Variants in SLC13A5 observed in about 807,000 individuals in gnomAD.
SLC13A5 encodes Na(+)/citrate cotransporter.
A neutral mutation model predicts 56.5 loss-of-function variants in SLC13A5; 25 were observed. The ratio of observed to expected loss-of-function variants is 0.44; its 90% confidence interval spans 0.32 to 0.62. SLC13A5 has a LOEUF of 0.62. Ranked by LOEUF, SLC13A5 falls within the 20% of genes least tolerant of loss-of-function variation. The pLI, the probability that SLC13A5 is intolerant of heterozygous loss-of-function variation, is 0.04. For missense variants in SLC13A5, 649 were observed against 737.8 expected (o/e 0.88, Z 1.39); for synonymous variants, 307 against 301.5 (o/e 1.02, Z -0.19).
Position 6,685,800 on chromosome 17 carries a change from G to T in SLC13A5, c.*407C>A. 1 of 179,774 alleles carries T rather than the reference G, an allele frequency of 5.6e-6. No homozygotes were observed. The highest frequency in any genetic ancestry group is 1.2e-5 in the Non-Finnish European group (1 of 83,770). 11.1% of individuals were successfully genotyped at this position (179,774 alleles called of 1,614,324 possible). A position where few individuals can be genotyped will look rare whatever the true frequency, so the allele number is the denominator to read the frequency against. On this transcript the variant is annotated 3_prime_UTR_variant, in exon 12 of 12. Coordinates refer to ENST00000433363, the MANE Select transcript of SLC13A5 (RefSeq NM_177550.5). The surrounding 1 kb of genome is among the most constrained non-coding windows in gnomAD (Gnocchi z 4.2). ...TGGGCACTGGTAGGTGGTTGTCTTA[G>T]CTCTCAACCAGGGGATCCGATTCCC...
rs1282737802 is a variant in SLC13A5 at position 6,687,935 on chromosome 17, T to C, written c.1438-269A>G. 4 of 359,488 alleles carry C rather than the reference T, an allele frequency of 1.1e-5. No homozygotes were observed. Among genetic ancestry groups the C allele is most frequent in the South Asian group, 4.4e-5 (1 of 22,498 alleles). The allele number at this position is 359,488 out of a possible 1,614,324, so 22.3% of individuals were successfully genotyped here. ...GGCACCTACTATGTGCCAGAGACCA[T>C]GCTGAGTACTTAGACTGTGCTCAAC... On this transcript the variant is annotated intron_variant, in intron 10 of 11. Transcript: ENST00000433363. This position sits in a 1 kb window ranked among gnomAD's most constrained non-coding sequence, Gnocchi z 5.0.
chr17:6,687,032 G>A lies in SLC13A5; in HGVS notation c.1575+497C>T, dbSNP rs1178535502. On this transcript the variant is annotated intron_variant, in intron 11 of 11. Coordinates refer to ENST00000433363, the MANE Select transcript of SLC13A5 (RefSeq NM_177550.5). The surrounding 1 kb of genome is among the most constrained non-coding windows in gnomAD (Gnocchi z 5.0). ...GCAAAGGTGACAGAGCTAATGAAGAGTTCTTCCTCTGACTACATTTGTTTC... is the reference window on the plus strand; with the variant it reads ...GCAAAGGTGACAGAGCTAATGAAGAATTCTTCCTCTGACTACATTTGTTTC... 1 of 167,362 alleles carries A rather than the reference G, an allele frequency of 6.0e-6. No individual in the cohort carries two copies. The highest frequency in any genetic ancestry group is 1.6e-4 in the South Asian group (1 of 6,326). 10.4% of individuals were successfully genotyped at this position (167,362 alleles called of 1,614,324 possible).
At position 6,685,887 on chromosome 17, in the gene SLC13A5, C is replaced by A. The variant is rs914041322; in HGVS notation, c.*320G>T. The A allele has an allele frequency of 3.0e-6, 1 of 330,884 alleles. No individual in the cohort carries two copies. Among genetic ancestry groups the A allele is most frequent in the Admixed American group, 3.9e-5 (1 of 25,452 alleles). 20.5% of individuals were successfully genotyped at this position (330,884 alleles called of 1,614,324 possible). A position where few individuals can be genotyped will look rare whatever the true frequency, so the allele number is the denominator to read the frequency against. The stretch of plus-strand genomic sequence containing the variant: ...AGCCCTGTGTGGGGGATGCTTGAGG[C>A]AGAGCGGGTACAGCAGCCTGCATCC... On this transcript the variant is annotated 3_prime_UTR_variant, in exon 12 of 12. Transcript: ENST00000433363. This position sits in a 1 kb window ranked among gnomAD's most constrained non-coding sequence, Gnocchi z 4.2.
Position 6,687,595 on chromosome 17 carries a change from C to T in SLC13A5, c.1509G>A (p.Met503Ile). The change falls in exon 11 of 12, where the codon ATG (methionine) becomes ATA (isoleucine). Residue 503 changes from methionine (M) to isoleucine (I), a missense_variant. By Grantham distance (10) the Met-to-Ile change is conservative. Transcript: ENST00000433363. The surrounding 1 kb of genome is among the most constrained non-coding windows in gnomAD (Gnocchi z 5.0). Reference sequence around the variant, plus strand: ...CATTTGGAGGGGTGGCCACAGGCAACATGAAGGCAAAGGAGGCACTCAGGG... The same window carrying T: ...CATTTGGAGGGGTGGCCACAGGCAATATGAAGGCAAAGGAGGCACTCAGGG... ...PCTLSASFAF[M>I]LPVATPPNAI... is the part of the protein sequence containing the mutation. 6.2e-7 allele frequency: 1 copy of T among 1,613,880 alleles called. No individual in the cohort carries two copies. The highest frequency in any genetic ancestry group is 8.5e-7 in the Non-Finnish European group (1 of 1,179,922).
chr17:6,690,032 G>A (rs567397045), intron 10 of SLC13A5: 6 of 113,124 alleles, frequency 5.3e-5, no homozygotes, highest in East Asian at 3.1e-4. Context: ...AAGCTGGTAC[G>A]TCTTTGCAAT....
chr17:6,691,404 C>T (rs907703414), intron 9 of SLC13A5, among the ~76,000 whole-genome samples: 1 of 152,218 alleles, frequency 6.6e-6, no homozygotes, highest in African/African-American at 2.4e-5. Flanking sequence ...CATCCATCTC[C>T]TCCTCTTCAG....
intron 6 of SLC13A5, among the ~76,000 whole-genome samples, chr17:6,698,127 C>T (rs1273923793): frequency 6.6e-6 from 1 of 152,232 alleles, no homozygotes; most frequent in Non-Finnish European, 1.5e-5. Flanking sequence ...CCTTCCAGAT[C>T]TGGAGCCAAA....
chr17:6,689,847 T>G (rs191981329), intron 10 of SLC13A5: 1 of 151,958 alleles, frequency 6.6e-6, no homozygotes, highest in Non-Finnish European at 1.5e-5. Flanking sequence ...TCCAGAATAA[T>G]GACAGCCTCT....
chr17:6,704,838 A>T (rs1396390569), intron 3 of SLC13A5: 1 of 154,400 alleles, frequency 6.5e-6, no homozygotes, highest in Non-Finnish European at 1.4e-5. Flanking sequence ...GGCTGGCCTG[A>T]CCCTTCTCAA....
chr17:6,694,019 G>T, intron 8 of SLC13A5, 78 bp downstream of exon 8: 2 of 909,798 alleles, frequency 2.2e-6, no homozygotes, highest in Non-Finnish European at 3.3e-6. Context: ...TCCCTCTAGG[G>T]CCCAAGGCAT....
At chr17:6,709,985 T>C (rs534507038) in intron 1 of SLC13A5, among the ~76,000 whole-genome samples, 4 of 152,322 alleles carry the variant, frequency 2.6e-5, no homozygotes, top group African/African-American at 9.6e-5. Context: ...TTGCCAAAGT[T>C]CCCCTGTTGT....
In SLC13A5 at chr17:6,687,163, C is replaced by T. The variant is rs1160673031; in HGVS notation, c.1575+366G>A. ...TGTGACTGTCATTAGCATCCCCCTG[C>T]TGCCTAAGCCTGCCCTGCCTATCTT... is the stretch of plus-strand genomic sequence containing the variant. On this transcript the variant is annotated intron_variant, in intron 11 of 11. Coordinates refer to ENST00000433363, the MANE Select transcript of SLC13A5 (RefSeq NM_177550.5). The surrounding 1 kb of genome is among the most constrained non-coding windows in gnomAD (Gnocchi z 5.0). 4.1e-6 allele frequency: 1 copy of T among 243,310 alleles called. No homozygotes were observed. The highest frequency in any genetic ancestry group is 4.8e-5 in the South Asian group (1 of 20,958). The allele number at this position is 243,310 out of a possible 1,614,324, so 15.1% of individuals were successfully genotyped here.
chr17:6,710,628 A>AC (rs1003382574), intron 1 of SLC13A5, among the ~76,000 whole-genome samples: 3 of 151,500 alleles, frequency 2.0e-5, no homozygotes, highest in African/African-American at 7.3e-5. Flanking sequence ...AACAGGCTTG[A>AC]CCCCCCTAGT....
intron 1 of SLC13A5, among the ~76,000 whole-genome samples, chr17:6,710,983 C>A (rs1974006852): frequency 6.6e-6 from 1 of 151,610 alleles, no homozygotes; most frequent in African/African-American, 2.4e-5. Context: ...TAAAAAAAGA[C>A]CCAGAGGAAG....
At chr17:6,698,507 C>T (rs1466410810) in intron 6 of SLC13A5, among the ~76,000 whole-genome samples, 2 of 152,170 alleles carry the variant, frequency 1.3e-5, no homozygotes, top group Non-Finnish European at 2.9e-5. Context: ...GTTTCTGACA[C>T]CTGGTCATGC....
chr17:6,692,231 AGATGGATGGATGGATGGATGGATGGATG>A lies in SLC13A5; in HGVS notation c.1275+785_1275+812del. On this transcript the variant is annotated intron_variant, in intron 9 of 11. Transcript: ENST00000433363. This position sits in a 1 kb window ranked among gnomAD's most constrained non-coding sequence, Gnocchi z 5.5. The stretch of plus-strand genomic sequence containing the variant: ...TAGATAGATGGGTGGATGGATGGAC[AGATGGATGGATGGATGGATGGATGGATG>A]GATGGATGGATGGATGGACGGATGG... Among the ~76,000 whole-genome samples, 1 of 143,920 alleles carries A rather than the reference AGATGGATGGATGGATGGATGGATGGATG, an allele frequency of 6.9e-6. No individual in the cohort carries two copies. The highest frequency in any genetic ancestry group is 2.1e-4 in the East Asian group (1 of 4,858). The allele number at this position is 143,920 out of a possible 152,430, so 94.4% of individuals were successfully genotyped here.
Position 6,692,016 on chromosome 17 carries a change from T to C in SLC13A5, c.1275+1028A>G, listed in dbSNP as rs935086967. 2.6e-5 allele frequency among the ~76,000 whole-genome samples: 4 copies of C among 152,214 alleles called. No individual in the cohort carries two copies. Among genetic ancestry groups the C allele is most frequent in the Non-Finnish European group, 5.9e-5 (4 of 68,048 alleles). On this transcript the variant is annotated intron_variant, in intron 9 of 11. Transcript: ENST00000433363. The surrounding 1 kb of genome is among the most constrained non-coding windows in gnomAD (Gnocchi z 5.5). ...CTTTCATATATGTGCCCCTCCCTAG[T>C]CTGTGAAGTCTGCCACGAACAGGGA...
intron 5 of SLC13A5, among the ~76,000 whole-genome samples, 191 bp downstream of exon 5, chr17:6,702,779 T>C (rs184448004): frequency 6.7e-6 from 1 of 149,526 alleles, no homozygotes; most frequent in Admixed American, 6.7e-5. Context: ...AAGGCTTCTG[T>C]GTGGGCACAG....
chr17:6,696,598 C>T (rs1876729), intron 6 of SLC13A5, among the ~76,000 whole-genome samples: 80,230 of 151,646 alleles, frequency 0.53, 21,831 homozygotes, highest in East Asian at 0.73. Context: ...CCTAAGGTGG[C>T]GTTGGCATGA....
Sources: allele counts gnomAD v4.1 joint callset (sites outside exome capture counted in the v4.1 genomes callset), GRCh38; gene constraint gnomAD v4.1.1; non-coding constraint Gnocchi (gnomAD v3.1); transcripts MANE v1.5; gene names NCBI Gene and HGNC (gene_info 2026-07-23, HGNC 2026-07-21).